LRGUK: variants seen among roughly 807,000 people sequenced by gnomAD.
The protein encoded by LRGUK is leucine-rich repeat and guanylate kinase domain-containing protein.
In LRGUK, 65 loss-of-function variants were observed where a neutral mutation model predicts 76.0. The ratio of observed to expected loss-of-function variants is 0.85; its 90% CI spans 0.70 to 1.05. The LOEUF is 1.05. LRGUK is among the 50% of genes least tolerant of loss of function. The pLI is 0.00. For missense variants in LRGUK, 758 were observed against 732.8 expected (o/e 1.03, Z -0.40); for synonymous variants, 268 against 265.6 (o/e 1.01, Z -0.09).
At chr7:134,218,074 G>C (rs1234971901) in intron 15 of LRGUK, among the ~76,000 whole-genome samples, 1 of 152,098 alleles carries the variant, frequency 6.6e-6, no homozygotes, top group Non-Finnish European at 1.5e-5. Flanking sequence ...TGATTCTCCT[G>C]CCTCAGCCTC....
At chr7:134,238,789 G>A (rs2117188281) in intron 16 of LRGUK, among the ~76,000 whole-genome samples, 1 of 152,032 alleles carries the variant, frequency 6.6e-6, no homozygotes, top group East Asian at 1.9e-4. Flanking sequence ...GATACTTTCT[G>A]TTGCTCATTT....
chr7:134,227,713 A>G (rs2117167465), intron 16 of LRGUK, among the ~76,000 whole-genome samples: 1 of 152,322 alleles, frequency 6.6e-6, no homozygotes, highest in African/African-American at 2.4e-5. Context: ...TGGAGACAAT[A>G]AAAAATAACT....
chr7:134,258,980 C>T (rs754694472), intron 19 of LRGUK, among the ~76,000 whole-genome samples: 1 of 152,130 alleles, frequency 6.6e-6, no homozygotes, highest in African/African-American at 2.4e-5. Context: ...TTATCTGCAG[C>T]GGTCTGGGAC....
chr7:134,210,858 T>G (rs570337204), downstream of LRGUK, among the ~76,000 whole-genome samples: 88 of 152,202 alleles, frequency 5.8e-4, 1 homozygote, highest in African/African-American at 2.0e-3. Flanking sequence ...CATGGGGCAG[T>G]GCCACAGGAC....
Position 134,198,678 on chromosome 7 carries a change from G to A in LRGUK, c.1546-542G>A, listed in dbSNP as rs564742043. Among the ~76,000 whole-genome samples the A allele has an allele frequency of 3.9e-5, 6 of 152,286 alleles. No individual in the cohort carries two copies. In the South Asian group the frequency reaches 1.2e-3, roughly 32 times the overall value. Reference sequence around the variant, plus strand: ...TGTGACCAAGCCCTCCAGACTCACAGACCAGTCAGTTCCTTACACAGTTCC... The same window carrying A: ...TGTGACCAAGCCCTCCAGACTCACAAACCAGTCAGTTCCTTACACAGTTCC... On this transcript the variant is annotated intron_variant, in intron 13 of 15. Transcript: ENST00000645682.
chr7:134,273,848 T>C, the LRGUK span, among the ~76,000 whole-genome samples: 1 of 152,164 alleles, frequency 6.6e-6, no homozygotes, highest in Admixed American at 6.5e-5. Flanking sequence ...GTTGGTGTTT[T>C]CTCTTATATT....
chr7:134,164,473 A>G (rs1798887803), intron 7 of LRGUK, among the ~76,000 whole-genome samples: 1 of 152,208 alleles, frequency 6.6e-6, no homozygotes. Context: ...TATTTTTAAT[A>G]AAGCATTTGT....
chr7:134,179,669 G>A (rs995640053), intron 10 of LRGUK, among the ~76,000 whole-genome samples: 4 of 152,108 alleles, frequency 2.6e-5, no homozygotes, highest in Admixed American at 1.3e-4. Context: ...TTTAGGGTAC[G>A]TTTAAATAAA....
chr7:134,134,818 A>G (rs1797457948), intron 1 of LRGUK, among the ~76,000 whole-genome samples: 1 of 152,262 alleles, frequency 6.6e-6, no homozygotes, highest in South Asian at 2.1e-4. Flanking sequence ...TGAGTGAAAC[A>G]TTACGATGTG....
At chr7:134,242,097 A>C (rs1413204205) in intron 16 of LRGUK, among the ~76,000 whole-genome samples, 2 of 152,254 alleles carry the variant, frequency 1.3e-5, no homozygotes, top group African/African-American at 4.8e-5. Context: ...CACAAGAGAA[A>C]GCAGGAAAGA....
chr7:134,191,789 T>C (rs1362117410), intron 12 of LRGUK, 38 bp downstream of exon 12: 2 of 1,332,906 alleles, frequency 1.5e-6, no homozygotes, highest in East Asian at 4.7e-5. Flanking sequence ...GCACAAGAAA[T>C]ACACGTTCTC....
At chr7:134,269,264 AT>A (rs1674435664), downstream of LRGUK, among the ~76,000 whole-genome samples, 3 of 149,174 alleles carry the variant, frequency 2.0e-5, no homozygotes, top group Admixed American at 2.0e-4. Context: ...ATACTTACAG[AT>A]TTTCCTGTTA....
At chr7:134,132,557 A>T (rs1359428685) in intron 1 of LRGUK, among the ~76,000 whole-genome samples, 1 of 152,192 alleles carries the variant, frequency 6.6e-6, no homozygotes, top group Non-Finnish European at 1.5e-5. Flanking sequence ...GAACTAAGGC[A>T]TAAAAAGCAA....
At chr7:134,270,561 C>G in the LRGUK span, among the ~76,000 whole-genome samples, 2,744 of 152,106 alleles carry the variant, frequency 0.018, 93 homozygotes, top group African/African-American at 0.064. Context: ...ATTTTTTACA[C>G]TTTTGGTATA....
exon 14 of LRGUK, chr7:134,199,344 T>C: frequency 6.2e-7 from 1 of 1,613,900 alleles, no homozygotes; most frequent in Non-Finnish European, 8.5e-7. Flanking sequence ...GAAATTGAAT[T>C]TGCTGTCTCC....
rs528002822 is a variant in LRGUK at position 134,182,036 on chromosome 7, A to G, written c.1215-1698A>G. Among the ~76,000 whole-genome samples, 3 of 152,244 alleles carry G rather than the reference A, an allele frequency of 2.0e-5. No homozygotes were observed. In the South Asian group the frequency reaches 6.2e-4, roughly 32 times the overall value. On this transcript the variant is annotated intron_variant, in intron 10 of 15. Transcript: ENST00000645682. ...TCTTCCCTAACCCCTGGAAACCACT[A>G]ATCTGTCCCTGTCTCTATCTATAAT...
chr7:134,151,937 T>G (rs1372717622), intron 5 of LRGUK, among the ~76,000 whole-genome samples: 1 of 152,026 alleles, frequency 6.6e-6, no homozygotes, highest in African/African-American at 2.4e-5. Context: ...CACTTTATCC[T>G]AATTGGGTAC....
exon 14 of LRGUK, chr7:134,199,291 A>C (rs1481708719): frequency 6.2e-7 from 1 of 1,613,888 alleles, no homozygotes; most frequent in Non-Finnish European, 8.5e-7. Context: ...ACAAGGAAAA[A>C]TATGAGGGAT....
At chr7:134,174,943 G>C (rs898655201) in intron 8 of LRGUK, among the ~76,000 whole-genome samples, 3 of 152,086 alleles carry the variant, frequency 2.0e-5, no homozygotes, top group Non-Finnish European at 4.4e-5. Context: ...CTGTGGTAAA[G>C]GTTACAGGAA....
Sources: gnomAD v4.1 joint callset for allele counts (sites outside exome capture counted in the v4.1 genomes callset) on GRCh38, gnomAD v4.1.1 for gene constraint, MANE v1.5 for transcripts, NCBI Gene and HGNC (gene_info 2026-07-23, HGNC 2026-07-21) for gene names.